EPHA5: variants seen among roughly 807,000 people sequenced by gnomAD.
EPHA5 encodes the protein ephrin type-A receptor 5.
EPHA5 carries 60 observed loss-of-function variants against 105.0 expected under a neutral mutation model. That is an observed-to-expected ratio of 0.57 (90% CI 0.46 to 0.71). EPHA5 has a LOEUF of 0.71. Ranked by LOEUF, EPHA5 falls within the 30% of genes least tolerant of loss-of-function variation. The pLI is 0.00. For synonymous variants in EPHA5, 513 were observed against 449.1 expected (o/e 1.14, Z -1.80); for missense variants, 1,218 against 1,274.7 (o/e 0.96, Z 0.68).
At chr4:65,462,049 T>C (rs1021231322) in intron 5 of EPHA5, among the ~76,000 whole-genome samples, 4 of 152,096 alleles carry the variant, frequency 2.6e-5, no homozygotes, top group Non-Finnish European at 5.9e-5. Flanking sequence ...GGCAGATAGA[T>C]AGAATAGAAT....
intron 3 of EPHA5, among the ~76,000 whole-genome samples, chr4:65,500,642 G>A (rs1732393216): frequency 6.7e-6 from 1 of 149,384 alleles, no homozygotes; most frequent in African/African-American, 2.5e-5. Flanking sequence ...CCCTTAAAGA[G>A]CTATTAACCT....
At chr4:65,389,861 A>T (rs1720526760) in intron 8 of EPHA5, among the ~76,000 whole-genome samples, 2 of 152,028 alleles carry the variant, frequency 1.3e-5, no homozygotes, top group African/African-American at 4.8e-5. Flanking sequence ...CAGCCTAGAA[A>T]AAACTTGGGA....
At chr4:65,365,689 A>ATATATATATATATATATATAT (rs765636669) in intron 10 of EPHA5, among the ~76,000 whole-genome samples, 1 of 93,832 alleles carries the variant, frequency 1.1e-5, no homozygotes, top group Non-Finnish European at 2.4e-5. Flanking sequence ...ATATATATAT[A>ATATATATATATATATATATAT]GTGAAACATT....
chr4:65,366,677 G>A (rs892452120), intron 9 of EPHA5, among the ~76,000 whole-genome samples: 2 of 151,844 alleles, frequency 1.3e-5, no homozygotes, highest in African/African-American at 4.8e-5. Flanking sequence ...ATTAGGAAAT[G>A]AACTCAATGC....
chr4:65,613,145 T>C (rs1744925806), intron 2 of EPHA5, among the ~76,000 whole-genome samples: 1 of 152,080 alleles, frequency 6.6e-6, no homozygotes, highest in Non-Finnish European at 1.5e-5. Flanking sequence ...CTAATCTCGG[T>C]ATATGTTTTC....
At chr4:65,550,201 A>C (rs1737766712) in intron 3 of EPHA5, among the ~76,000 whole-genome samples, 1 of 151,996 alleles carries the variant, frequency 6.6e-6, no homozygotes, top group Admixed American at 6.6e-5. Flanking sequence ...AAGAAACAAT[A>C]AAATTATGTA....
At chr4:65,604,237 A>G (rs1744012702) in intron 2 of EPHA5, among the ~76,000 whole-genome samples, 1 of 152,146 alleles carries the variant, frequency 6.6e-6, no homozygotes, top group South Asian at 2.1e-4. Context: ...CTTTGTCTGT[A>G]CAAAGTCCAG....
chr4:65,544,062 T>G (rs1371660678), intron 3 of EPHA5, among the ~76,000 whole-genome samples: 1 of 152,100 alleles, frequency 6.6e-6, no homozygotes, highest in Non-Finnish European at 1.5e-5. Context: ...ACACACCTTA[T>G]ACAAAAGTTA....
chr4:65,633,380 C>T (rs1225184787), intron 2 of EPHA5, among the ~76,000 whole-genome samples: 1 of 151,834 alleles, frequency 6.6e-6, no homozygotes, highest in African/African-American at 2.4e-5. Flanking sequence ...AAAAAAAGAT[C>T]ATGATAAACA....
chr4:65,337,840 C>A (rs892734677), intron 14 of EPHA5, among the ~76,000 whole-genome samples: 1 of 151,800 alleles, frequency 6.6e-6, no homozygotes, highest in Non-Finnish European at 1.5e-5. Context: ...ATTAGAAATA[C>A]CAAAAGCTAA....
At chr4:65,419,301 TC>T (rs1465769090) in intron 6 of EPHA5, among the ~76,000 whole-genome samples, 1 of 152,200 alleles carries the variant, frequency 6.6e-6, no homozygotes. Context: ...TTATTCTCCC[TC>T]TCTTTTCCAA....
chr4:65,517,549 T>G (rs1334760889), intron 3 of EPHA5, among the ~76,000 whole-genome samples: 1 of 151,898 alleles, frequency 6.6e-6, no homozygotes, highest in Non-Finnish European at 1.5e-5. Flanking sequence ...TGGATTTAAA[T>G]TTACTATTAT....
chr4:65,383,102 A>T (rs1027975092), intron 8 of EPHA5, among the ~76,000 whole-genome samples: 1 of 149,880 alleles, frequency 6.7e-6, no homozygotes, highest in African/African-American at 2.4e-5. Context: ...TTATGCATAA[A>T]AAGTATTAAA....
intron 15 of EPHA5, among the ~76,000 whole-genome samples, chr4:65,332,543 G>A (rs914276375): frequency 2.0e-5 from 3 of 150,482 alleles, no homozygotes; most frequent in East Asian, 2.0e-4. Context: ...ACTATGGGCC[G>A]TGGCTGATAG....
At chr4:65,602,647 C>G (rs1345947484) in intron 2 of EPHA5, among the ~76,000 whole-genome samples, 2 of 151,028 alleles carry the variant, frequency 1.3e-5, no homozygotes. Flanking sequence ...CAAAATGAAG[C>G]AAAGAAAGAA....
chr4:65,529,264 T>C (rs1735536614), intron 3 of EPHA5, among the ~76,000 whole-genome samples: 1 of 152,058 alleles, frequency 6.6e-6, no homozygotes, highest in South Asian at 2.1e-4. Context: ...TGGTCTAATG[T>C]TTGGAATGGC....
intron 8 of EPHA5, among the ~76,000 whole-genome samples, chr4:65,390,988 C>T (rs1720662366): frequency 6.6e-6 from 1 of 152,036 alleles, no homozygotes; most frequent in Non-Finnish European, 1.5e-5. Context: ...CCTCAGGAAA[C>T]TTACAATCCT....
chr4:65,426,198 T>C (rs1231347692), intron 5 of EPHA5, among the ~76,000 whole-genome samples: 1 of 152,228 alleles, frequency 6.6e-6, no homozygotes, highest in East Asian at 1.9e-4. Context: ...TCAAGTCAAC[T>C]ATCTTTCCTT....
chr4:65,637,550 T>C (rs983160070), intron 2 of EPHA5, among the ~76,000 whole-genome samples: 1 of 137,022 alleles, frequency 7.3e-6, no homozygotes, highest in Non-Finnish European at 1.6e-5. Context: ...CTCATATATA[T>C]ACACAAATAT....
Sources: allele counts gnomAD v4.1 joint callset (sites outside exome capture counted in the v4.1 genomes callset), GRCh38; gene constraint gnomAD v4.1.1; transcripts MANE v1.5; gene names NCBI Gene and HGNC (gene_info 2026-07-23, HGNC 2026-07-21).